The following TNRC6C variants were observed in gnomAD, a reference collection of about 807,000 sequenced individuals.
The protein encoded by TNRC6C is trinucleotide repeat-containing gene 6C protein.
In TNRC6C, 20 loss-of-function variants were observed where a neutral mutation model predicts 153.7. That is an observed-to-expected ratio of 0.13 (90% CI 0.09 to 0.19). The LOEUF (loss-of-function observed/expected upper bound fraction) is 0.19, where lower values mean the gene tolerates loss of function less well. Ranked by LOEUF, TNRC6C falls within the 10% of genes least tolerant of loss-of-function variation. The pLI is 1.00. For missense variants in TNRC6C, 1,987 were observed against 2,172.0 expected, an observed-to-expected ratio of 0.91 and a Z score of 1.69; for synonymous variants, 811 against 841.4, an observed-to-expected ratio of 0.96 and a Z score of 0.63.
At chr17:78,072,212 A>G (rs1486179247) in intron 6 of TNRC6C, among the ~76,000 whole-genome samples, 1 of 152,208 alleles carries the variant, frequency 6.6e-6, no homozygotes, top group Non-Finnish European at 1.5e-5. Flanking sequence ...CAAGAGGTTG[A>G]CGGTGGCTTC....
intron 1 of TNRC6C, among the ~76,000 whole-genome samples, chr17:77,976,983 A>G (rs377633479): frequency 1.3e-5 from 2 of 150,126 alleles, no homozygotes; most frequent in East Asian, 1.9e-4. Context: ...TTCATTTTAC[A>G]GGTATGTTAA....
chr17:77,977,302 C>G (rs1275667945), intron 1 of TNRC6C, among the ~76,000 whole-genome samples: 1 of 152,058 alleles, frequency 6.6e-6, no homozygotes, highest in Non-Finnish European at 1.5e-5. Flanking sequence ...TTGACTTCTG[C>G]TGGTATAAAT....
chr17:78,073,297 T>C (rs2073029818), intron 7 of TNRC6C, among the ~76,000 whole-genome samples: 1 of 152,242 alleles, frequency 6.6e-6, no homozygotes, highest in African/African-American at 2.4e-5. Context: ...GAATCGCCAA[T>C]GCCATATTTG....
At chr17:78,081,097 C>T (rs67825540) in intron 10 of TNRC6C, among the ~76,000 whole-genome samples, 15,504 of 151,992 alleles carry the variant, frequency 0.1, 928 homozygotes, top group East Asian at 0.18. Context: ...GGTGAGGGCC[C>T]GTTTCTCATA....
intron 3 of TNRC6C, among the ~76,000 whole-genome samples, chr17:78,063,535 C>T (rs753657927): frequency 2.2e-4 from 34 of 152,036 alleles, no homozygotes; most frequent in Non-Finnish European, 4.0e-4. Context: ...CCACAAGGGA[C>T]CAATCCCTGA....
At chr17:78,060,806 G>T (rs752747085) in intron 3 of TNRC6C, among the ~76,000 whole-genome samples, 1 of 152,182 alleles carries the variant, frequency 6.6e-6, no homozygotes, top group Non-Finnish European at 1.5e-5. Flanking sequence ...TATGTAAGTG[G>T]CATCTGTGGA....
chr17:78,011,231 T>A (rs942761137), intron 1 of TNRC6C, among the ~76,000 whole-genome samples: 1 of 152,258 alleles, frequency 6.6e-6, no homozygotes, highest in Middle Eastern at 3.4e-3. Flanking sequence ...AGAGAAGAAA[T>A]AGATAAGTGT....
At chr17:77,993,252 G>A (rs1183864551) in intron 1 of TNRC6C, among the ~76,000 whole-genome samples, 2 of 152,160 alleles carry the variant, frequency 1.3e-5, no homozygotes, top group Non-Finnish European at 2.9e-5. Context: ...GTGAGCCACC[G>A]CGTGCGGCCC....
intron 1 of TNRC6C, among the ~76,000 whole-genome samples, chr17:78,019,253 G>A (rs1201972728): frequency 1.3e-5 from 2 of 152,218 alleles, no homozygotes; most frequent in African/African-American, 2.4e-5. Flanking sequence ...GGAGGCTAAC[G>A]AGGCTGGGTC....
At chr17:77,972,751 C>G (rs987358087) in intron 1 of TNRC6C, among the ~76,000 whole-genome samples, 4 of 152,156 alleles carry the variant, frequency 2.6e-5, no homozygotes, top group African/African-American at 9.7e-5. Context: ...GTTATTTTGT[C>G]TTCACTGGTG....
At chr17:78,092,094 G>A (rs929708972) in intron 14 of TNRC6C, among the ~76,000 whole-genome samples, 17 of 152,168 alleles carry the variant, frequency 1.1e-4, no homozygotes, top group African/African-American at 3.4e-4. Flanking sequence ...ATGGACACAC[G>A]AGTAAGGTGG....
chr17:78,069,011 G>C (rs1376883858), intron 5 of TNRC6C, among the ~76,000 whole-genome samples: 4 of 152,078 alleles, frequency 2.6e-5, no homozygotes, highest in Non-Finnish European at 5.9e-5. Flanking sequence ...TTTGGACTCA[G>C]AGAGGCCTAA....
At chr17:78,063,230 G>A (rs1185217810) in intron 3 of TNRC6C, among the ~76,000 whole-genome samples, 4 of 150,048 alleles carry the variant, frequency 2.7e-5, no homozygotes, top group African/African-American at 9.8e-5. Context: ...GGGCAACAGA[G>A]CAAGACTCTG....
chr17:78,060,041 G>T (rs988496707), intron 3 of TNRC6C, among the ~76,000 whole-genome samples: 1 of 152,068 alleles, frequency 6.6e-6, no homozygotes, highest in Non-Finnish European at 1.5e-5. Flanking sequence ...AAGTTACTGT[G>T]CAGCTCAAGG....
intron 1 of TNRC6C, among the ~76,000 whole-genome samples, chr17:78,027,053 A>G (rs2071955625): frequency 6.6e-6 from 1 of 152,182 alleles, no homozygotes; most frequent in Admixed American, 6.5e-5. Context: ...CAAAGCCATA[A>G]AAGAACAGGA....
At chr17:78,032,966 C>T (rs2072105146) in intron 2 of TNRC6C, among the ~76,000 whole-genome samples, 1 of 152,180 alleles carries the variant, frequency 6.6e-6, no homozygotes, top group Non-Finnish European at 1.5e-5. Context: ...TATTCACTGA[C>T]CAAGAATATA....
chr17:78,018,619 T>C (rs1197265120), intron 1 of TNRC6C, among the ~76,000 whole-genome samples: 1 of 152,192 alleles, frequency 6.6e-6, no homozygotes, highest in East Asian at 1.9e-4. Context: ...CTTTCCTTTT[T>C]TTGCAGCACT....
At chr17:78,069,994 ACTTT>A (rs2072960976) in intron 5 of TNRC6C, among the ~76,000 whole-genome samples, 1 of 152,092 alleles carries the variant, frequency 6.6e-6, no homozygotes, top group Non-Finnish European at 1.5e-5. Context: ...TGAGATGAAA[ACTTT>A]CTTTATACCT....
At chr17:78,013,745 C>T (rs1431686439) in intron 1 of TNRC6C, among the ~76,000 whole-genome samples, 2 of 152,094 alleles carry the variant, frequency 1.3e-5, no homozygotes, top group African/African-American at 4.8e-5. Context: ...CCCAACTAGG[C>T]CAGGGAACAC....
Sources: allele counts gnomAD v4.1 joint callset (sites outside exome capture counted in the v4.1 genomes callset), GRCh38; gene constraint gnomAD v4.1.1; transcripts MANE v1.5; gene names NCBI Gene and HGNC (gene_info 2026-07-23, HGNC 2026-07-21).